The following DENR variants were observed in gnomAD, a reference collection of about 807,000 sequenced individuals.
DENR encodes density-regulated protein.
DENR carries 6 observed loss-of-function variants against 30.6 expected under a neutral mutation model. That is an observed-to-expected ratio of 0.20 (90% CI 0.11 to 0.39). The LOEUF is 0.39. Among genes scored for constraint, DENR ranks in the 10% least tolerant of loss-of-function variants. DENR has a pLI of 1.00. For synonymous variants in DENR, 78 were observed against 72.1 expected, an observed-to-expected ratio of 1.08 and a Z score of -0.41; for missense variants, 141 against 230.9, an observed-to-expected ratio of 0.61 and a Z score of 2.52.
intron 5 of DENR, among the ~76,000 whole-genome samples, chr12:122,766,080 A>C (rs1211372984): frequency 1.0e-4 from 15 of 149,722 alleles, no homozygotes; most frequent in Non-Finnish European, 3.0e-5. Context: ...CCCAAAGCTC[A>C]TGTCTTTCTT....
At chr12:122,766,544 G>A (rs569657158) in intron 5 of DENR, among the ~76,000 whole-genome samples, 87 of 152,272 alleles carry the variant, frequency 5.7e-4, no homozygotes, top group African/African-American at 2.0e-3. Context: ...TAGCCTAGAA[G>A]TGTGCTTTAT....
Position 122,762,345 on chromosome 12 carries a change from T to A in DENR, c.126+139T>A, listed in dbSNP as rs533892453. 2.7e-4 allele frequency: 168 copies of A among 614,012 alleles called. 1 individual carries two copies. The highest frequency in any genetic ancestry group is 2.7e-3 in the African/African-American group (146 of 53,968). 38.0% of individuals were successfully genotyped at this position (614,012 alleles called of 1,614,324 possible). A position where few individuals can be genotyped will look rare whatever the true frequency, so the allele number is the denominator to read the frequency against. Reference sequence around the variant, plus strand: ...TTAACCTTTTATAGAGAACTTTGATTTAGAGTAATTTTTTGGTCTTATATA... The same window carrying A: ...TTAACCTTTTATAGAGAACTTTGATATAGAGTAATTTTTTGGTCTTATATA... On this transcript the variant is annotated intron_variant, in intron 3 of 7. Transcript: ENST00000280557.
chr12:122,760,467 C>T (rs569289312), intron 2 of DENR, among the ~76,000 whole-genome samples: 2 of 151,558 alleles, frequency 1.3e-5, no homozygotes, highest in South Asian at 4.2e-4. Context: ...CGCGGTGGCT[C>T]ACTCCTGTAA....
Position 122,765,297 on chromosome 12 carries a change from T to C in DENR, c.212-7T>C, listed in dbSNP as rs781594539. Reference sequence around the variant, plus strand: ...TTCATGCTTTTGTATTTCACTTTTATATCTAGAAAATTCACCCAAACAAGA... The same window carrying C: ...TTCATGCTTTTGTATTTCACTTTTACATCTAGAAAATTCACCCAAACAAGA... On this transcript the variant is annotated splice_region_variant and splice_polypyrimidine_tract_variant and intron_variant, in intron 4 of 7. Transcript: ENST00000280557. The C allele has an allele frequency of 6.5e-7, 1 of 1,549,728 alleles. No homozygotes were observed. The highest frequency in any genetic ancestry group is 8.7e-7 in the Non-Finnish European group (1 of 1,145,780).
chr12:122,770,637 G>T lies in DENR; in HGVS notation c.*1559G>T. 1 of 398,536 alleles carries T rather than the reference G, an allele frequency of 2.5e-6. No individual in the cohort carries two copies. The highest frequency in any genetic ancestry group is 6.3e-4 in the Middle Eastern group (1 of 1,584). The allele number at this position is 398,536 out of a possible 1,614,324, so 24.7% of individuals were successfully genotyped here. ...GATGAATTTAAACTTTAAGTCAGGT[G>T]CTGCAAATTGGAAAGAAGACTTGTG... On this transcript the variant is annotated 3_prime_UTR_variant, in exon 8 of 8. Coordinates refer to ENST00000280557, the MANE Select transcript of DENR (RefSeq NM_003677.5).
chr12:122,753,882 T>A, intron 2 of DENR, 75 bp downstream of exon 2: 1 of 1,203,754 alleles, frequency 8.3e-7, no homozygotes, highest in Non-Finnish European at 1.2e-6. Flanking sequence ...TGACATTTGG[T>A]AAGCTTTCTT....
chr12:122,753,742 A>G lies in DENR; in HGVS notation c.41A>G (p.Lys14Arg), dbSNP rs1878475850. 6.2e-7 allele frequency: 1 copy of G among 1,614,036 alleles called. No homozygotes were observed. The highest frequency in any genetic ancestry group is 8.5e-7 in the Non-Finnish European group (1 of 1,179,898). ...TCTGAATCCAGCGGGGCTGACTGCA[A>G]AGGAGACCCAAGGAACAGTGCCAAG... Reference protein sequence around the residue: ...DISESSGADCKGDPRNSAKLD... With the variant: ...DISESSGADCRGDPRNSAKLD... The change falls in exon 2 of 8, where the codon AAA becomes AGA. Residue 14 changes from lysine to arginine, a missense_variant. By Grantham distance (26) the Lys-to-Arg change is conservative. Coordinates refer to ENST00000280557, the MANE Select transcript of DENR (RefSeq NM_003677.5).
At position 122,756,056 on chromosome 12, in the gene DENR, A is replaced by G. The variant is rs150426271; in HGVS notation, c.106+2249A>G. Among the ~76,000 whole-genome samples, 136 of 152,328 alleles carry G rather than the reference A, an allele frequency of 8.9e-4. 1 individual carries two copies. Among genetic ancestry groups the G allele is most frequent in the Non-Finnish European group, 1.9e-4 (13 of 68,024 alleles). ...TTTTTACCTAGTATCTCTGATGTAT[A>G]AGGTCCTCGGCTAAGTTCTGTGGAG... On this transcript the variant is annotated intron_variant, in intron 2 of 7. Transcript: ENST00000280557.
At chr12:122,756,359 G>A (rs1011810136) in intron 2 of DENR, among the ~76,000 whole-genome samples, 5 of 152,192 alleles carry the variant, frequency 3.3e-5, no homozygotes, top group African/African-American at 9.7e-5. Flanking sequence ...TGAGGCAGGA[G>A]AATCGCTTAA....
At chr12:122,763,715 TAAA>T (rs1002650010) in intron 4 of DENR, among the ~76,000 whole-genome samples, 1 of 152,142 alleles carries the variant, frequency 6.6e-6, no homozygotes, top group Non-Finnish European at 1.5e-5. Context: ...AAAACAAAAT[TAAA>T]AAAAGTAAAT....
At chr12:122,760,537 C>G (rs889226513) in intron 2 of DENR, among the ~76,000 whole-genome samples, 1 of 151,822 alleles carries the variant, frequency 6.6e-6, no homozygotes, top group Non-Finnish European at 1.5e-5. Flanking sequence ...CGAGACCATC[C>G]TAGCTAATAC....
At chr12:122,754,217 G>A (rs756127068) in intron 2 of DENR, 1 of 236,358 alleles carries the variant, frequency 4.2e-6, no homozygotes, top group African/African-American at 2.2e-5. Context: ...TGTCTGTGAA[G>A]AAGTGAGCAG....
chr12:122,754,800 A>T (rs1291798306), intron 2 of DENR, among the ~76,000 whole-genome samples: 1 of 152,234 alleles, frequency 6.6e-6, no homozygotes, highest in African/African-American at 2.4e-5. Context: ...AATAGAACCC[A>T]CAAATTTGAA....
rs1410895692 is a variant in DENR at position 122,769,463 on chromosome 12, A to T, written c.*385A>T. The T allele has an allele frequency of 1.0e-6, 1 of 987,158 alleles. No individual in the cohort carries two copies. The highest frequency in any genetic ancestry group is 1.2e-6 in the Non-Finnish European group (1 of 831,022). 61.1% of individuals were successfully genotyped at this position (987,158 alleles called of 1,614,324 possible). Reference sequence around the variant, plus strand: ...CTCATGCATGAATAGAATTTAGTCAAATAAAAAATTTTGGTCATTTGGTAC... The same window carrying T: ...CTCATGCATGAATAGAATTTAGTCATATAAAAAATTTTGGTCATTTGGTAC... On this transcript the variant is annotated 3_prime_UTR_variant, in exon 8 of 8. Transcript: ENST00000280557.
At position 122,756,763 on chromosome 12, in the gene DENR, A is replaced by G. The variant is rs368492942; in HGVS notation, c.106+2956A>G. Reference sequence around the variant, plus strand: ...ATTATGGCAACGTGGTTTGGGGCCAAGTTCTGGGGCACCTGATTTGTAGAT... The same window carrying G: ...ATTATGGCAACGTGGTTTGGGGCCAGGTTCTGGGGCACCTGATTTGTAGAT... On this transcript the variant is annotated intron_variant, in intron 2 of 7. Coordinates refer to ENST00000280557, the MANE Select transcript of DENR (RefSeq NM_003677.5). Among the ~76,000 whole-genome samples the G allele has an allele frequency of 4.6e-5, 7 of 152,330 alleles. No individual in the cohort carries two copies. The East Asian group carries it at 9.6e-4, about 21-fold the overall frequency.
At chr12:122,754,463 G>GA (rs1314316617) in intron 2 of DENR, among the ~76,000 whole-genome samples, 1 of 152,178 alleles carries the variant, frequency 6.6e-6, no homozygotes, top group Non-Finnish European at 1.5e-5. Context: ...GAAACTTTCA[G>GA]AAAAATCTGA....
At chr12:122,755,010 G>T (rs1878509392) in intron 2 of DENR, among the ~76,000 whole-genome samples, 1 of 152,222 alleles carries the variant, frequency 6.6e-6, no homozygotes, top group Admixed American at 6.5e-5. Context: ...ATTAGATTTG[G>T]AGATAGATAA....
intron 2 of DENR, among the ~76,000 whole-genome samples, chr12:122,755,181 G>T (rs1469158430): frequency 2.6e-5 from 4 of 152,150 alleles, no homozygotes; most frequent in Non-Finnish European, 5.9e-5. Flanking sequence ...AGGTGAACTG[G>T]GTAGATTTCA....
chr12:122,766,340 C>T (rs1878849911), intron 5 of DENR, among the ~76,000 whole-genome samples: 1 of 152,192 alleles, frequency 6.6e-6, no homozygotes, highest in Non-Finnish European at 1.5e-5. Flanking sequence ...CCTATCACTC[C>T]TCCTTAGTCT....
Sources: gnomAD v4.1 joint callset for allele counts (sites outside exome capture counted in the v4.1 genomes callset) on GRCh38, gnomAD v4.1.1 for gene constraint, MANE v1.5 for transcripts, NCBI Gene and HGNC (gene_info 2026-07-23, HGNC 2026-07-21) for gene names.